The following CAMSAP1 variants were observed in gnomAD, a reference collection of about 807,000 sequenced individuals.
CAMSAP1 encodes the protein calmodulin regulated spectrin associated protein 1, also known as calmodulin-regulated spectrin-associated protein 1.
Under a neutral mutation model 143.5 loss-of-function variants are expected in CAMSAP1, and 58 were observed. The ratio of observed to expected loss-of-function variants is 0.40; its 90% CI spans 0.33 to 0.50. CAMSAP1 has a LOEUF of 0.50. CAMSAP1 is among the 20% of genes least tolerant of loss of function. The pLI is 0.45. For synonymous variants in CAMSAP1, 945 were observed against 859.3 expected (o/e 1.10, Z -1.74); for missense variants, 1,969 against 2,115.7 (o/e 0.93, Z 1.36).
At chr9:135,894,894 T>C (rs1206169406) in intron 1 of CAMSAP1, among the ~76,000 whole-genome samples, 1 of 152,178 alleles carries the variant, frequency 6.6e-6, no homozygotes, top group African/African-American at 2.4e-5. Context: ...CAAATTCTCC[T>C]GAAACAAAAT....
intron 16 of CAMSAP1, among the ~76,000 whole-genome samples, chr9:135,812,568 C>T (rs556193283): frequency 4.0e-4 from 61 of 152,004 alleles, no homozygotes; most frequent in Non-Finnish European, 7.2e-4. Context: ...TGAAAATGCT[C>T]TGAAATTAGG....
rs1834967533 is a variant in CAMSAP1, at chr9:135,809,574, T to G, written c.*1735A>C. 6.6e-6 allele frequency: 1 copy of G among 152,630 alleles called. No individual in the cohort carries two copies. Among genetic ancestry groups the G allele is most frequent in the Non-Finnish European group, 1.5e-5 (1 of 68,048 alleles). The allele number at this position is 152,630 out of a possible 1,614,324, so 9.5% of individuals were successfully genotyped here. A position where few individuals can be genotyped will look rare whatever the true frequency, so the allele number is the denominator to read the frequency against. ...AGCCACAGCAACCTCACACATACGA[T>G]TCAATGTAAAGCAAATTAGTTCATC... On this transcript the variant is annotated 3_prime_UTR_variant, in exon 17 of 17. Transcript: ENST00000389532.
Position 135,874,423 on chromosome 9 carries a change from G to A in CAMSAP1, c.585+7210C>T, listed in dbSNP as rs149642994. 5.7e-5 allele frequency among the ~76,000 whole-genome samples: 7 copies of A among 122,998 alleles called. No homozygotes were observed. In the East Asian group the frequency reaches 2.0e-3, roughly 36 times the overall value. 80.7% of individuals were successfully genotyped at this position (122,998 alleles called of 152,430 possible). On this transcript the variant is annotated intron_variant, in intron 3 of 16. Coordinates refer to ENST00000389532, the MANE Select transcript of CAMSAP1 (RefSeq NM_015447.4). The stretch of plus-strand genomic sequence containing the variant: ...GGAGAATGAGGCTACAATGAGCTAT[G>A]ATCGTACCACCTGTACTCCAGCCTG...
chr9:135,862,667 G>A lies in CAMSAP1; in HGVS notation c.667-59C>T. The A allele has an allele frequency of 4.6e-6, 7 of 1,507,766 alleles. No homozygotes were observed. In the Admixed American group the frequency reaches 1.2e-4, roughly 25 times the overall value. The allele number at this position is 1,507,766 out of a possible 1,614,324, so 93.4% of individuals were successfully genotyped here. On this transcript the variant is annotated intron_variant, in intron 4 of 16. Transcript: ENST00000389532. ...GTGATGTCTCTTCACTACCATATAT[G>A]TTACAGGCACACTGTTAGATCGAGA...
chr9:135,831,415 C>T (rs1210397584), intron 7 of CAMSAP1, among the ~76,000 whole-genome samples: 1 of 151,724 alleles, frequency 6.6e-6, no homozygotes, highest in Non-Finnish European at 1.5e-5. Context: ...GGGAGGACTG[C>T]TTGAGGCCAG....
intron 7 of CAMSAP1, among the ~76,000 whole-genome samples, chr9:135,843,873 CAA>C (rs150201026): frequency 0.13 from 8,301 of 63,374 alleles, 151 homozygotes; most frequent in East Asian, 0.36. Context: ...GACTCCGTCT[CAA>C]AAAAAAAAAA....
chr9:135,861,309 CTTTT>C (rs35820753), intron 5 of CAMSAP1, among the ~76,000 whole-genome samples: 8 of 144,442 alleles, frequency 5.5e-5, no homozygotes, highest in African/African-American at 1.3e-4. Context: ...CTCCTTCTTC[CTTTT>C]TTTTTTTTTT....
chr9:135,865,009 G>C (rs768650943), intron 4 of CAMSAP1, among the ~76,000 whole-genome samples: 1 of 152,156 alleles, frequency 6.6e-6, no homozygotes, highest in Non-Finnish European at 1.5e-5. Context: ...AAAATATACA[G>C]AGTAACTTGG....
At chr9:135,846,832 G>C (rs1427401553) in intron 7 of CAMSAP1, among the ~76,000 whole-genome samples, 1 of 152,076 alleles carries the variant, frequency 6.6e-6, no homozygotes, top group Non-Finnish European at 1.5e-5. Context: ...ACCACAATGA[G>C]ATACCATCTC....
chr9:135,850,181 T>A lies in CAMSAP1; in HGVS notation c.1001A>T (p.Lys334Met). The A allele has an allele frequency of 6.2e-7, 1 of 1,612,586 alleles. No individual in the cohort carries two copies. Among genetic ancestry groups the A allele is most frequent in the Non-Finnish European group, 8.5e-7 (1 of 1,179,358 alleles). Residue 334 changes from lysine to methionine, a missense_variant, in exon 7 of 17, where the codon AAG (lysine) becomes ATG (methionine). Physicochemically the swap from Lys to Met is moderately conservative, Grantham distance 95. Transcript: ENST00000389532. ...ATCCCTGGGCTGAACAAAATCTGGC[T>A]TGACATTCTCGAACCACCAAAAAAG... ...AELFWWFENVKPDFVQPRDVQ... is the reference protein window; with the variant it reads ...AELFWWFENVMPDFVQPRDVQ...
chr9:135,860,033 T>A (rs1285752569), intron 5 of CAMSAP1, among the ~76,000 whole-genome samples: 2 of 135,924 alleles, frequency 1.5e-5, no homozygotes, highest in Non-Finnish European at 3.2e-5. Context: ...GGCAAAACCC[T>A]ATCTCCACAA....
chr9:135,866,106 C>T (rs957738059), intron 4 of CAMSAP1, among the ~76,000 whole-genome samples: 3 of 152,216 alleles, frequency 2.0e-5, no homozygotes, highest in African/African-American at 7.2e-5. Context: ...AAGGACTTTT[C>T]GAGGGCATCT....
At position 135,824,956 on chromosome 9, in the gene CAMSAP1, C is replaced by T. The variant is rs973815386; in HGVS notation, c.1224-76G>A. The T allele has an allele frequency of 1.9e-5, 21 of 1,123,440 alleles. No homozygotes were observed. The highest frequency in any genetic ancestry group is 2.5e-6 in the Non-Finnish European group (2 of 789,678). 69.6% of individuals were successfully genotyped at this position (1,123,440 alleles called of 1,614,324 possible). A position where few individuals can be genotyped will look rare whatever the true frequency, so the allele number is the denominator to read the frequency against. Reference sequence around the variant, plus strand: ...GGTCAACAGCAAATGCACAAGTGTACAGGACCATCCTGAATTCACACCAAG... The same window carrying T: ...GGTCAACAGCAAATGCACAAGTGTATAGGACCATCCTGAATTCACACCAAG... On this transcript the variant is annotated intron_variant, in intron 8 of 16. Coordinates refer to ENST00000389532, the MANE Select transcript of CAMSAP1 (RefSeq NM_015447.4). This position sits in a 1 kb window ranked among gnomAD's most constrained non-coding sequence, Gnocchi z 4.1.
Position 135,818,669 on chromosome 9 carries a change from C to G in CAMSAP1, c.3960-53G>C. ...CTCGGTCACGGGGCTTCTTCCACGA[C>G]GCCTGCGCCGCGGCGCTCTGTCCAG... On this transcript the variant is annotated intron_variant, in intron 12 of 16. Transcript: ENST00000389532. The surrounding 1 kb of genome is among the most constrained non-coding windows in gnomAD (Gnocchi z 7.7). 1.3e-6 allele frequency: 2 copies of G among 1,580,104 alleles called. No individual in the cohort carries two copies. Among genetic ancestry groups the G allele is most frequent in the African/African-American group, 1.3e-5 (1 of 74,314 alleles).
At position 135,822,380 on chromosome 9, in the gene CAMSAP1, A is replaced by G. The variant is rs1835504976; in HGVS notation, c.2281T>C (p.Phe761Leu). 1 of 1,613,976 alleles carries G rather than the reference A, an allele frequency of 6.2e-7. No individual in the cohort carries two copies. Among genetic ancestry groups the G allele is most frequent in the Middle Eastern group, 1.6e-4 (1 of 6,062 alleles). ...TCTTCCTCCCCAATGTATCTGCTGA[A>G]AACCACAGGATGGGCCTCACCCATG... ...DFMGEAHPVVFSRYIGEEESA... is the reference protein window; with the variant it reads ...DFMGEAHPVVLSRYIGEEESA... The change falls in exon 11 of 17, where the codon TTC becomes CTC. Residue 761 changes from phenylalanine to leucine, a missense_variant. Around this residue, in one of 4 missense-constraint regions of CAMSAP1, gnomAD observed 1,390 missense variants for 1,420.8 expected, o/e 0.98. Coordinates refer to ENST00000389532, the MANE Select transcript of CAMSAP1 (RefSeq NM_015447.4). The surrounding 1 kb of genome is among the most constrained non-coding windows in gnomAD (Gnocchi z 6.1).
intron 1 of CAMSAP1, among the ~76,000 whole-genome samples, chr9:135,896,858 G>T (rs1026974147): frequency 6.6e-6 from 1 of 152,102 alleles, no homozygotes; most frequent in African/African-American, 2.4e-5. Flanking sequence ...AGGTCACAAG[G>T]GCCCTACCCT....
At position 135,848,719 on chromosome 9, in the gene CAMSAP1, G is replaced by A. The variant is rs141384075; in HGVS notation, c.1045+1418C>T. ...TCTTGTGGCATGGACATAGAACACT[G>A]CACCACTCTGACTGCAGAGGCACAT... On this transcript the variant is annotated intron_variant, in intron 7 of 16. Transcript: ENST00000389532. Among the ~76,000 whole-genome samples the A allele has an allele frequency of 1.1e-3, 174 of 152,314 alleles. 1 individual carries two copies. The highest frequency in any genetic ancestry group is 2.0e-3 in the Non-Finnish European group (139 of 68,026).
At chr9:135,879,279 C>G (rs912646254) in intron 3 of CAMSAP1, among the ~76,000 whole-genome samples, 21 of 152,168 alleles carry the variant, frequency 1.4e-4, no homozygotes, top group East Asian at 3.9e-4. Context: ...ACAAGGAGAC[C>G]ACCTTCTATT....
chr9:135,819,959 T>A (rs922537412), intron 11 of CAMSAP1, among the ~76,000 whole-genome samples: 3 of 152,218 alleles, frequency 2.0e-5, no homozygotes, highest in African/African-American at 7.2e-5. Context: ...ACCTGATGAT[T>A]TGGTATCCTC....
Sources: allele counts gnomAD v4.1 joint callset (sites outside exome capture counted in the v4.1 genomes callset), GRCh38; gene constraint gnomAD v4.1.1; regional missense constraint gnomAD v4.1.1; non-coding constraint Gnocchi (gnomAD v3.1); transcripts MANE v1.5; gene names NCBI Gene and HGNC (gene_info 2026-07-23, HGNC 2026-07-21).